MINDY3: variants seen among roughly 807,000 people sequenced by gnomAD.
The protein encoded by MINDY3 is ubiquitin carboxyl-terminal hydrolase MINDY-3.
A neutral mutation model predicts 69.2 loss-of-function variants in MINDY3; 38 were observed. The observed-to-expected ratio is 0.55, with a 90% CI of 0.42 to 0.72. The LOEUF (loss-of-function observed/expected upper bound fraction) is 0.72. MINDY3 is among the 30% of genes least tolerant of loss of function. The probability of loss-of-function intolerance (pLI) is 0.00; values close to 1 mark genes in which losing one functional copy is unlikely to be tolerated. For synonymous variants in MINDY3, 192 were observed against 180.1 expected (o/e 1.07, Z -0.53); for missense variants, 522 against 519.0 (o/e 1.01, Z -0.06).
intron 12 of MINDY3, 156 bp downstream of exon 12, chr10:15,789,091 T>G (rs892956263): frequency 1.3e-5 from 6 of 478,198 alleles, no homozygotes; most frequent in African/African-American, 1.2e-4. Flanking sequence ...TGCTATAATA[T>G]TGGATTAGTT....
intron 9 of MINDY3, among the ~76,000 whole-genome samples, chr10:15,819,095 A>G (rs1839577408): frequency 6.6e-6 from 1 of 152,158 alleles, no homozygotes; most frequent in Non-Finnish European, 1.5e-5. Flanking sequence ...CAGGAGGGAG[A>G]AAGAGATTAT....
At chr10:15,790,550 G>C (rs1371013993) in intron 11 of MINDY3, among the ~76,000 whole-genome samples, 1 of 152,082 alleles carries the variant, frequency 6.6e-6, no homozygotes, top group African/African-American at 2.4e-5. Flanking sequence ...TTAAGTCATA[G>C]CTAAAGGCTC....
chr10:15,854,154 T>C (rs1834520066), intron 1 of MINDY3, among the ~76,000 whole-genome samples: 1 of 152,152 alleles, frequency 6.6e-6, no homozygotes, highest in Admixed American at 6.5e-5. Flanking sequence ...TAACAGAGGA[T>C]GAAAAGTTAC....
At chr10:15,832,202 G>A (rs1020018039) in intron 8 of MINDY3, among the ~76,000 whole-genome samples, 16 of 152,228 alleles carry the variant, frequency 1.1e-4, no homozygotes, top group Non-Finnish European at 1.6e-4. Flanking sequence ...AAGACAGTGT[G>A]GGAAGGGTCA....
chr10:15,837,943 A>G (rs901246912), intron 5 of MINDY3: 1 of 951,150 alleles, frequency 1.1e-6, no homozygotes, highest in African/African-American at 1.8e-5. Context: ...TGTTTAGGTC[A>G]CAGAAACATT....
intron 8 of MINDY3, among the ~76,000 whole-genome samples, chr10:15,824,593 G>T (rs1314595911): frequency 1.3e-5 from 2 of 152,096 alleles, no homozygotes; most frequent in African/African-American, 4.8e-5. Flanking sequence ...TCATATCTTC[G>T]CAAACTTTTC....
chr10:15,814,592 A>G (rs555313397), intron 10 of MINDY3, among the ~76,000 whole-genome samples: 30 of 151,976 alleles, frequency 2.0e-4, no homozygotes, highest in African/African-American at 7.0e-4. Context: ...TTTTTCTCTT[A>G]ACTCCATGTC....
intron 4 of MINDY3, among the ~76,000 whole-genome samples, chr10:15,840,099 C>T (rs1260176493): frequency 6.6e-6 from 1 of 151,602 alleles, no homozygotes; most frequent in African/African-American, 2.4e-5. Context: ...TACAGACTGG[C>T]TTTAAGCACA....
chr10:15,855,182 T>C (rs1050946028), intron 1 of MINDY3, among the ~76,000 whole-genome samples: 1 of 152,128 alleles, frequency 6.6e-6, no homozygotes, highest in Non-Finnish European at 1.5e-5. Context: ...TAAGCAGTTA[T>C]GCTTCATGCC....
Position 15,860,244 on chromosome 10 carries a change from G to C in MINDY3, c.56C>G (p.Pro19Arg), listed in dbSNP as rs777103354. 3 of 1,611,114 alleles carry C rather than the reference G, an allele frequency of 1.9e-6. No homozygotes were observed. Among genetic ancestry groups the C allele is most frequent in the Non-Finnish European group, 2.5e-6 (3 of 1,178,822 alleles). ...MELVWGTKSS[P>R]GLSDTIFCRW... ...GCAGAAAATGGTGTCCGAGAGACCG[G>C]GGCTGCTCTTGGTGCCCCACACCAG... Residue 19 changes from proline to arginine, a missense_variant, in exon 1 of 15, where the codon CCC becomes CGC. Transcript: ENST00000277632.
At chr10:15,782,096 A>G (rs1564447527) in intron 14 of MINDY3, 59 bp downstream of exon 14, 1 of 1,197,172 alleles carries the variant, frequency 8.4e-7, no homozygotes. Flanking sequence ...ATTGTTACAT[A>G]CTCACATAAT....
intron 3 of MINDY3, among the ~76,000 whole-genome samples, chr10:15,842,574 T>C (rs1344352849): frequency 1.3e-5 from 2 of 151,932 alleles, no homozygotes; most frequent in African/African-American, 4.8e-5. Context: ...AGTCATGGTT[T>C]GGAATGTAAG....
At chr10:15,802,422 G>A (rs1838330010) in intron 10 of MINDY3, among the ~76,000 whole-genome samples, 1 of 152,084 alleles carries the variant, frequency 6.6e-6, no homozygotes, top group African/African-American at 2.4e-5. Context: ...CAGCAGGGGA[G>A]AGAGCATGCA....
chr10:15,797,532 T>C (rs1837929307), intron 10 of MINDY3, among the ~76,000 whole-genome samples: 1 of 152,156 alleles, frequency 6.6e-6, no homozygotes, highest in Admixed American at 6.6e-5. Context: ...GACCCTTGAA[T>C]TGTATCTAGT....
chr10:15,821,391 T>C lies in MINDY3; in HGVS notation c.801+265A>G, dbSNP rs557254378. On this transcript the variant is annotated intron_variant, in intron 9 of 14. Coordinates refer to ENST00000277632, the MANE Select transcript of MINDY3 (RefSeq NM_024948.4). ...ATTCATATTCAATAATAGATGTCTG[T>C]GGCTTTTTTGAATTATTTTGTACTG... Among the ~76,000 whole-genome samples the C allele has an allele frequency of 1.6e-3, 239 of 152,350 alleles. 1 individual carries two copies. The highest frequency in any genetic ancestry group is 2.7e-3 in the Non-Finnish European group (183 of 68,032).
In MINDY3 at chr10:15,778,741, A is replaced by G. The variant is rs1564443075; in HGVS notation, c.*251T>C. On this transcript the variant is annotated 3_prime_UTR_variant, in exon 15 of 15. Coordinates refer to ENST00000277632, the MANE Select transcript of MINDY3 (RefSeq NM_024948.4). ...TAAATGACCAAGTATCTGAATGCAA[A>G]AGTGATGAACTTTGATGAAAGCTTA... 3.0e-6 allele frequency: 1 copy of G among 334,824 alleles called. No individual in the cohort carries two copies. Among genetic ancestry groups the G allele is most frequent in the Non-Finnish European group, 5.4e-6 (1 of 184,062 alleles). The allele number at this position is 334,824 out of a possible 1,614,324, so 20.7% of individuals were successfully genotyped here.
chr10:15,814,004 A>G (rs1839188641), intron 10 of MINDY3, among the ~76,000 whole-genome samples: 3 of 151,794 alleles, frequency 2.0e-5, no homozygotes, highest in Admixed American at 2.0e-4. Flanking sequence ...AGAAAAAGAA[A>G]AAAGAAAAAC....
rs1425887802 is a variant in MINDY3 at position 15,779,229 on chromosome 10, A to C, written c.1189-88T>G. On this transcript the variant is annotated intron_variant, in intron 14 of 14. Transcript: ENST00000277632. ...GAAAACAATTTTTAGAGGCTAGCAA[A>C]TAAGGTATTACATAGTTTCAGATGA... is the stretch of plus-strand genomic sequence containing the variant. 5.1e-6 allele frequency: 6 copies of C among 1,167,246 alleles called. No homozygotes were observed. In the Admixed American group the frequency reaches 6.8e-5, roughly 13 times the overall value. The allele number at this position is 1,167,246 out of a possible 1,614,324, so 72.3% of individuals were successfully genotyped here. A position where few individuals can be genotyped will look rare whatever the true frequency, so the allele number is the denominator to read the frequency against.
At chr10:15,855,922 G>C (rs1456032836) in intron 1 of MINDY3, among the ~76,000 whole-genome samples, 4 of 151,986 alleles carry the variant, frequency 2.6e-5, no homozygotes, top group Non-Finnish European at 4.4e-5. Flanking sequence ...TCAAGTATTT[G>C]AATAATAAAA....
Sources: allele counts gnomAD v4.1 joint callset (sites outside exome capture counted in the v4.1 genomes callset), GRCh38; gene constraint gnomAD v4.1.1; transcripts MANE v1.5; gene names NCBI Gene and HGNC (gene_info 2026-07-23, HGNC 2026-07-21).